Variants in ZCCHC24 observed in about 807,000 individuals in gnomAD.
The protein encoded by ZCCHC24 is zinc finger CCHC-type containing 24, also known as zinc finger CCHC domain-containing protein 24.
A neutral mutation model predicts 26.2 loss-of-function variants in ZCCHC24; 10 were observed. The observed-to-expected ratio is 0.38, with a 90% confidence interval of 0.24 to 0.65. The LOEUF is 0.65. Among genes scored for constraint, ZCCHC24 ranks in the 30% least tolerant of loss-of-function variants. The pLI is 0.54. For missense variants in ZCCHC24, 243 were observed against 329.1 expected, an observed-to-expected ratio of 0.74 and a Z score of 2.03; for synonymous variants, 144 against 147.1, an observed-to-expected ratio of 0.98 and a Z score of 0.15.
intron 2 of ZCCHC24, chr10:79,403,553 G>A: frequency 1.0e-6 from 1 of 985,424 alleles, no homozygotes; most frequent in Non-Finnish European, 1.2e-6. Flanking sequence ...CTGGGCCGCG[G>A]CCTGCAGGAT....
intron 1 of ZCCHC24, chr10:79,444,217 G>T: frequency 1.3e-6 from 2 of 1,496,732 alleles, no homozygotes; most frequent in South Asian, 1.3e-5. Flanking sequence ...GCCACAGATG[G>T]GTGTCTGAAA....
chr10:79,422,679 T>C (rs1856963500), intron 2 of ZCCHC24, among the ~76,000 whole-genome samples: 1 of 152,186 alleles, frequency 6.6e-6, no homozygotes, highest in African/African-American at 2.4e-5. Context: ...CTGTCTAACA[T>C]CTGGATTTCA....
chr10:79,410,971 C>A (rs558138594), intron 2 of ZCCHC24, among the ~76,000 whole-genome samples: 3 of 152,234 alleles, frequency 2.0e-5, no homozygotes, highest in African/African-American at 7.2e-5. Flanking sequence ...CAGGAGCTCC[C>A]CTCTTGGCCC....
chr10:79,432,948 G>A (rs945518621), intron 1 of ZCCHC24, among the ~76,000 whole-genome samples, 190 bp from the exon 2 acceptor site: 4 of 152,192 alleles, frequency 2.6e-5, no homozygotes, highest in African/African-American at 9.7e-5. Context: ...CTGGGCCTCA[G>A]TGGCCCTATC....
chr10:79,416,950 C>T (rs189469259), intron 2 of ZCCHC24, among the ~76,000 whole-genome samples: 77 of 152,280 alleles, frequency 5.1e-4, no homozygotes, highest in African/African-American at 1.8e-3. Flanking sequence ...TCCCTTATGA[C>T]GGGGCCCTGC....
chr10:79,390,665 C>T (rs767383845), intron 3 of ZCCHC24, among the ~76,000 whole-genome samples: 4 of 152,204 alleles, frequency 2.6e-5, no homozygotes, highest in Non-Finnish European at 4.4e-5. Flanking sequence ...CCTCGGCAGA[C>T]GGAAAACACT....
intron 1 of ZCCHC24, among the ~76,000 whole-genome samples, chr10:79,434,834 G>A (rs1278764397): frequency 6.6e-6 from 1 of 152,192 alleles, no homozygotes; most frequent in African/African-American, 2.4e-5. Flanking sequence ...CCACCGTCCA[G>A]CTCCAGAACT....
intron 2 of ZCCHC24, among the ~76,000 whole-genome samples, chr10:79,404,278 G>C (rs756436092): frequency 5.3e-5 from 8 of 152,222 alleles, no homozygotes; most frequent in African/African-American, 1.9e-4. Context: ...CCAGCCAGGC[G>C]ATTTGAAGTA....
rs184908910 is a variant in ZCCHC24 at position 79,432,693 on chromosome 10, G to A, written c.312C>T (p.Gly104=). The change falls in exon 2 of 4, where the codon GGC becomes GGT. Residue 104 remains glycine (G), a synonymous_variant. Transcript: ENST00000372336. ...AGAAGTGCTCGGTGAGGGAGCTGAG[G>A]CCATCGGCGATGTTGTTGAGGGAGC... ...PYGSLNNIAD[G]LSSLTEHFSD... 6.2e-7 allele frequency: 1 copy of A among 1,608,966 alleles called. No homozygotes were observed. The highest frequency in any genetic ancestry group is 8.5e-7 in the Non-Finnish European group (1 of 1,178,222).
At chr10:79,438,408 C>A (rs1857247512) in intron 1 of ZCCHC24, among the ~76,000 whole-genome samples, 1 of 152,184 alleles carries the variant, frequency 6.6e-6, no homozygotes, top group Non-Finnish European at 1.5e-5. Flanking sequence ...CTCAGGGAGA[C>A]AAGGAGATAG....
At chr10:79,440,039 A>G (rs1857270359) in intron 1 of ZCCHC24, among the ~76,000 whole-genome samples, 1 of 152,126 alleles carries the variant, frequency 6.6e-6, no homozygotes, top group African/African-American at 2.4e-5. Context: ...TGATGTTTTC[A>G]AAAACCCCAA....
At chr10:79,439,883 T>C (rs1395445189) in intron 1 of ZCCHC24, among the ~76,000 whole-genome samples, 1 of 151,750 alleles carries the variant, frequency 6.6e-6, no homozygotes, top group Non-Finnish European at 1.5e-5. Context: ...CTGCTCCCAG[T>C]GGCAGCCAAG....
chr10:79,417,982 C>A (rs1856888211), intron 2 of ZCCHC24, among the ~76,000 whole-genome samples: 1 of 152,224 alleles, frequency 6.6e-6, no homozygotes, highest in Non-Finnish European at 1.5e-5. Context: ...CACAAAGCCA[C>A]TGGGAGCAGG....
chr10:79,387,381 TAG>T (rs1374525860), intron 3 of ZCCHC24, among the ~76,000 whole-genome samples: 1 of 152,170 alleles, frequency 6.6e-6, no homozygotes, highest in Non-Finnish European at 1.5e-5. Flanking sequence ...ACATTTCTAT[TAG>T]AGAGGGAGCT....
chr10:79,404,623 A>T (rs1258266090), intron 2 of ZCCHC24, among the ~76,000 whole-genome samples: 1 of 152,112 alleles, frequency 6.6e-6, no homozygotes, highest in Non-Finnish European at 1.5e-5. Flanking sequence ...GATCTTGCAC[A>T]TCCCTCTTTG....
chr10:79,423,581 C>CTATATATATATTATATATATA, intron 2 of ZCCHC24, among the ~76,000 whole-genome samples: 1 of 53,746 alleles, frequency 1.9e-5, no homozygotes, highest in South Asian at 6.4e-4. Context: ...AATATATATA[C>CTATATATATATTATATATATA]TATATATATA....
chr10:79,387,884 C>T (rs902401778), intron 3 of ZCCHC24, among the ~76,000 whole-genome samples: 1 of 152,102 alleles, frequency 6.6e-6, no homozygotes, highest in South Asian at 2.1e-4. Context: ...TGCCCCTGGC[C>T]CAGGGGTCAT....
At chr10:79,405,391 G>C (rs1856697606) in intron 2 of ZCCHC24, among the ~76,000 whole-genome samples, 1 of 152,220 alleles carries the variant, frequency 6.6e-6, no homozygotes, top group Non-Finnish European at 1.5e-5. Context: ...CACCAGGAGT[G>C]GCAGTGCCTG....
At chr10:79,404,396 G>A (rs995382563) in intron 2 of ZCCHC24, among the ~76,000 whole-genome samples, 8 of 152,162 alleles carry the variant, frequency 5.3e-5, no homozygotes, top group Non-Finnish European at 1.2e-4. Flanking sequence ...CAAACCACAC[G>A]GATCAGAGCG....
Sources: allele counts gnomAD v4.1 joint callset (sites outside exome capture counted in the v4.1 genomes callset), GRCh38; gene constraint gnomAD v4.1.1; transcripts MANE v1.5; gene names NCBI Gene and HGNC (gene_info 2026-07-23, HGNC 2026-07-21).